Variants in EPB41L4A observed in about 807,000 individuals in gnomAD.
The protein encoded by EPB41L4A is band 4.1-like protein 4A.
In EPB41L4A, 100 loss-of-function variants were observed where a neutral mutation model predicts 108.6. The ratio of observed to expected loss-of-function variants is 0.92; its 90% confidence interval spans 0.78 to 1.09. EPB41L4A has a LOEUF of 1.09. Among genes scored for constraint, EPB41L4A ranks in the 50% least tolerant of loss-of-function variants. The pLI, the probability that EPB41L4A is intolerant of heterozygous loss-of-function variation, is 0.00. For missense variants in EPB41L4A, 1,030 were observed against 842.7 expected, an observed-to-expected ratio of 1.22 and a Z score of -2.75; for synonymous variants, 319 against 289.0, an observed-to-expected ratio of 1.10 and a Z score of -1.05.
intron 1 of EPB41L4A, among the ~76,000 whole-genome samples, chr5:112,345,788 C>G (rs1434951889): frequency 8.7e-5 from 5 of 57,488 alleles, no homozygotes; most frequent in African/African-American, 3.6e-4. Flanking sequence ...TATACACACA[C>G]ACACACACAC....
intron 5 of EPB41L4A, 59 bp from the exon 6 acceptor site, chr5:112,265,075 G>C (rs1751759160): frequency 7.3e-7 from 1 of 1,377,186 alleles, no homozygotes; most frequent in South Asian, 1.5e-5. Flanking sequence ...TTAAAACATA[G>C]AAATAAAATA....
At position 112,354,025 on chromosome 5, in the gene EPB41L4A, G is replaced by C. The variant is rs565524429; in HGVS notation, c.100-46535C>G. On this transcript the variant is annotated intron_variant, in intron 1 of 22. Transcript: ENST00000261486. ...CTTTGAAAACCATATATGTAGTAAA[G>C]AGCATGGACTCTGAAACCAGATGAG... Among the ~76,000 whole-genome samples, 12 of 152,314 alleles carry C rather than the reference G, an allele frequency of 7.9e-5. No homozygotes were observed. The South Asian group carries it at 2.5e-3, about 32-fold the overall frequency.
intron 1 of EPB41L4A, among the ~76,000 whole-genome samples, chr5:112,375,657 G>A (rs928832900): frequency 6.6e-6 from 1 of 152,160 alleles, no homozygotes; most frequent in Non-Finnish European, 1.5e-5. Context: ...TGCTCCTCAG[G>A]CCCTTGAGGT....
chr5:112,152,506 G>A (rs1363844157), intron 12 of EPB41L4A, among the ~76,000 whole-genome samples: 1 of 152,128 alleles, frequency 6.6e-6, no homozygotes, highest in Non-Finnish European at 1.5e-5. Flanking sequence ...AGGCTTGAGG[G>A]AGCCTGTTAG....
At chr5:112,204,573 A>G in intron 14 of EPB41L4A, 85 bp from the exon 15 acceptor site, 2 of 767,744 alleles carry the variant, frequency 2.6e-6, no homozygotes, top group South Asian at 3.4e-5. Flanking sequence ...TCATAACTGC[A>G]CAGCTGGTAC....
rs74933565 is a variant in EPB41L4A, at chr5:112,236,201, T to G, written c.966-1446A>C. Among the ~76,000 whole-genome samples the G allele has an allele frequency of 6.0e-3, 912 of 152,174 alleles. 22 individuals carry two copies. Among genetic ancestry groups the G allele is most frequent in the East Asian group, 0.049 (254 of 5,166 alleles). On this transcript the variant is annotated intron_variant, in intron 11 of 22. Transcript: ENST00000261486. ...TTTCTCTCTAGGAACAAAAGAGAAA[T>G]GAGAAAATCATATCCTAAGATTAAT...
At chr5:112,372,319 A>C (rs1188969391) in intron 1 of EPB41L4A, among the ~76,000 whole-genome samples, 1 of 152,200 alleles carries the variant, frequency 6.6e-6, no homozygotes, top group African/African-American at 2.4e-5. Context: ...CTCACTCATT[A>C]TCATGAGAAC....
chr5:112,193,284 TTTTC>T (rs753177499), intron 17 of EPB41L4A, among the ~76,000 whole-genome samples: 24 of 152,298 alleles, frequency 1.6e-4, no homozygotes, highest in African/African-American at 2.6e-4. Flanking sequence ...ACTTCCTCAC[TTTTC>T]TTTCTTTCTT....
chr5:112,298,961 T>A (rs111295926), intron 2 of EPB41L4A, among the ~76,000 whole-genome samples: 23,740 of 152,140 alleles, frequency 0.16, 2,137 homozygotes, highest in African/African-American at 0.24. Flanking sequence ...CCTTGAATGA[T>A]CTTTTGTATT....
intron 13 of EPB41L4A, among the ~76,000 whole-genome samples, chr5:112,208,637 G>C (rs1024961318): frequency 1.2e-4 from 19 of 152,328 alleles, no homozygotes; most frequent in Admixed American, 5.9e-4. Flanking sequence ...CTACCTGAGT[G>C]ATGGGATCAT....
chr5:112,382,264 C>T (rs766127171), intron 1 of EPB41L4A, among the ~76,000 whole-genome samples: 1 of 151,858 alleles, frequency 6.6e-6, no homozygotes, highest in Non-Finnish European at 1.5e-5. Flanking sequence ...TCACATCATT[C>T]GAAAGTTCTA....
At chr5:112,357,065 GA>G (rs2150747259) in intron 1 of EPB41L4A, among the ~76,000 whole-genome samples, 1 of 152,282 alleles carries the variant, frequency 6.6e-6, no homozygotes, top group Admixed American at 6.5e-5. Flanking sequence ...CTGCAACAAA[GA>G]TAGACTGCAG....
Position 112,209,966 on chromosome 5 carries a change from A to C in EPB41L4A, c.1104T>G (p.Ser368Arg). 1 of 1,597,916 alleles carries C rather than the reference A, an allele frequency of 6.3e-7. No homozygotes were observed. Among genetic ancestry groups the C allele is most frequent in the Non-Finnish European group, 8.6e-7 (1 of 1,166,770 alleles). ...QTQPAESNSI[S>R]RITANMENGE... ...CATTTTCCATGTTTGCAGTTATCCT[A>C]CTGATGCTGTTTGATTCTAGCAGAG... The change falls in exon 13 of 23, where the codon AGT becomes AGG. Residue 368 changes from serine (S) to arginine (R), a missense_variant. Coordinates refer to ENST00000261486, the MANE Select transcript of EPB41L4A (RefSeq NM_022140.5).
intron 15 of EPB41L4A, among the ~76,000 whole-genome samples, chr5:112,199,352 G>A (rs893460797): frequency 2.6e-5 from 4 of 152,156 alleles, no homozygotes; most frequent in African/African-American, 9.7e-5. Context: ...AGAGAAGGGA[G>A]ACATTTGGTA....
intron 1 of EPB41L4A, among the ~76,000 whole-genome samples, chr5:112,390,238 G>A (rs773649959): frequency 6.6e-5 from 10 of 152,126 alleles, no homozygotes; most frequent in African/African-American, 1.9e-4. Flanking sequence ...AAAGCAGGGC[G>A]GGGCATCGCC....
Position 112,419,232 on chromosome 5 carries a change from G to A in EPB41L4A, c.-193C>T. 2.2e-6 allele frequency: 1 copy of A among 456,002 alleles called. No individual in the cohort carries two copies. The highest frequency in any genetic ancestry group is 3.9e-6 in the Non-Finnish European group (1 of 257,846). The allele number at this position is 456,002 out of a possible 1,614,324, so 28.2% of individuals were successfully genotyped here. On this transcript the variant is annotated 5_prime_UTR_variant, in exon 1 of 23. Coordinates refer to ENST00000261486, the MANE Select transcript of EPB41L4A (RefSeq NM_022140.5). ...GGGAGCGAGAAAGGCGGAAAAGCCC[G>A]GGAGAGTCAGCGCCCGGGAGCCGCC...
chr5:112,228,741 G>T (rs1748653874), intron 12 of EPB41L4A: 3 of 985,454 alleles, frequency 3.0e-6, no homozygotes, highest in Non-Finnish European at 2.4e-6. Context: ...AGAGAGGGTT[G>T]TAACAGGAGG....
chr5:112,161,807 TG>T (rs748617444), downstream of EPB41L4A: 6 of 303,332 alleles, frequency 2.0e-5, no homozygotes, highest in Non-Finnish European at 4.0e-5. Context: ...CACTTTGTAA[TG>T]GGAATTTTTA....
At chr5:112,313,252 A>C (rs1425295259) in intron 1 of EPB41L4A, among the ~76,000 whole-genome samples, 1 of 152,156 alleles carries the variant, frequency 6.6e-6, no homozygotes, top group Non-Finnish European at 1.5e-5. Context: ...GTGACTAAAA[A>C]CTTTATTGAG....
Sources: gnomAD v4.1 joint callset for allele counts (sites outside exome capture counted in the v4.1 genomes callset) on GRCh38, gnomAD v4.1.1 for gene constraint, MANE v1.5 for transcripts, NCBI Gene and HGNC (gene_info 2026-07-23, HGNC 2026-07-21) for gene names.